ANK2: variants seen among roughly 807,000 people sequenced by gnomAD.
ANK2 encodes the protein ankyrin-2.
In ANK2, 83 loss-of-function variants were observed where a neutral mutation model predicts 360.5. The observed-to-expected ratio is 0.23, with a 90% CI of 0.19 to 0.28. ANK2 has a LOEUF of 0.28. Among genes scored for constraint, ANK2 ranks in the 10% least tolerant of loss-of-function variants. The probability of loss-of-function intolerance (pLI) is 1.00; values close to 1 mark genes in which losing one functional copy is unlikely to be tolerated. For synonymous variants in ANK2, 1,740 were observed against 1,759.5 expected (o/e 0.99, Z 0.28); for missense variants, 4,201 against 4,795.7 (o/e 0.88, Z 3.66).
At chr4:112,889,702 G>A (rs576023382) in intron 1 of ANK2, among the ~76,000 whole-genome samples, 165 of 152,156 alleles carry the variant, frequency 1.1e-3, no homozygotes, top group African/African-American at 3.8e-3. Flanking sequence ...ATAGGTTTGT[G>A]TTGTAATTTC....
intron 2 of ANK2, among the ~76,000 whole-genome samples, chr4:112,992,461 G>A (rs1316891953): frequency 6.6e-6 from 1 of 151,976 alleles, no homozygotes; most frequent in Non-Finnish European, 1.5e-5. Context: ...ACATTTTTAG[G>A]TATTTCTTGG....
At chr4:112,951,279 T>G (rs2094969995) in intron 2 of ANK2, among the ~76,000 whole-genome samples, 1 of 152,130 alleles carries the variant, frequency 6.6e-6, no homozygotes, top group Admixed American at 6.6e-5. Flanking sequence ...TTGTAAAACA[T>G]TCAAACAAAT....
At chr4:112,963,504 T>C (rs2035820044) in intron 2 of ANK2, among the ~76,000 whole-genome samples, 2 of 152,168 alleles carry the variant, frequency 1.3e-5, no homozygotes, top group African/African-American at 4.8e-5. Flanking sequence ...GTTCAAAATT[T>C]TGATAAGTAA....
chr4:112,730,565 A>T, the ANK2 span, among the ~76,000 whole-genome samples: 1 of 127,430 alleles, frequency 7.8e-6, no homozygotes, highest in African/African-American at 2.9e-5. Flanking sequence ...TGAACCTGGG[A>T]GGTGGAGATT....
chr4:113,170,061 G>T (rs754293588), intron 1 of ANK2, among the ~76,000 whole-genome samples: 2 of 152,112 alleles, frequency 1.3e-5, no homozygotes, highest in Non-Finnish European at 2.9e-5. Flanking sequence ...TTAAGGTGTT[G>T]TTTCCTACTT....
intron 2 of ANK2, among the ~76,000 whole-genome samples, chr4:112,937,039 G>A (rs1394626187): frequency 4.6e-5 from 7 of 152,064 alleles, no homozygotes; most frequent in East Asian, 1.9e-4. Context: ...CAATCCTCCC[G>A]CCTCTGCCTC....
intron 2 of ANK2, among the ~76,000 whole-genome samples, chr4:113,185,924 T>C (rs1442615022): frequency 1.3e-5 from 2 of 152,202 alleles, no homozygotes; most frequent in Non-Finnish European, 2.9e-5. Context: ...GTTTTCTGCA[T>C]ATGGCTAGCC....
At chr4:112,861,259 T>A (rs2067926337) in intron 1 of ANK2, among the ~76,000 whole-genome samples, 1 of 152,196 alleles carries the variant, frequency 6.6e-6, no homozygotes, top group Non-Finnish European at 1.5e-5. Flanking sequence ...GGTTTTTATC[T>A]TATTAGAGAA....
intron 26 of ANK2, chr4:113,323,672 T>C: frequency 7.7e-7 from 1 of 1,300,842 alleles, no homozygotes. Flanking sequence ...GGTATTGGTG[T>C]ATAAATAATA....
intron 1 of ANK2, among the ~76,000 whole-genome samples, chr4:112,847,083 CTG>C (rs759670764): frequency 7.9e-5 from 12 of 152,140 alleles, no homozygotes; most frequent in Non-Finnish European, 1.5e-4. Flanking sequence ...TCTGTGAAAA[CTG>C]TGAGTATAAT....
At chr4:113,167,391 C>T (rs1290803377) in intron 1 of ANK2, among the ~76,000 whole-genome samples, 1 of 151,664 alleles carries the variant, frequency 6.6e-6, no homozygotes. Flanking sequence ...CCTCTGCCTC[C>T]CGGATCCGAG....
At chr4:112,754,531 T>C in the ANK2 span, among the ~76,000 whole-genome samples, 1 of 150,756 alleles carries the variant, frequency 6.6e-6, no homozygotes, top group Non-Finnish European at 1.5e-5. Context: ...GGGGCGTGTA[T>C]TATGTTAAAA....
intron 1 of ANK2, among the ~76,000 whole-genome samples, chr4:112,834,284 C>T (rs987857586): frequency 2.0e-5 from 3 of 152,084 alleles, no homozygotes; most frequent in African/African-American, 4.8e-5. Context: ...AAAAAATGTT[C>T]TTAGAGAAGC....
chr4:113,043,407 A>G (rs2154316006), intron 2 of ANK2, among the ~76,000 whole-genome samples: 1 of 152,064 alleles, frequency 6.6e-6, no homozygotes, highest in South Asian at 2.1e-4. Flanking sequence ...ATCTGACCCC[A>G]ACTCTGTGTA....
At chr4:113,036,124 G>A (rs545207326) in intron 2 of ANK2, among the ~76,000 whole-genome samples, 2 of 151,746 alleles carry the variant, frequency 1.3e-5, no homozygotes, top group East Asian at 3.9e-4. Flanking sequence ...AATTGAAAAC[G>A]AAGACAGCTA....
chr4:112,879,155 A>G (rs1231572030), intron 1 of ANK2, among the ~76,000 whole-genome samples: 1 of 152,222 alleles, frequency 6.6e-6, no homozygotes, highest in Admixed American at 6.5e-5. Context: ...GATGGGTTGG[A>G]GTAAAAGGAT....
chr4:112,924,293 G>A (rs778655946), intron 2 of ANK2, among the ~76,000 whole-genome samples: 1 of 151,526 alleles, frequency 6.6e-6, no homozygotes, highest in East Asian at 1.9e-4. Context: ...GCTTGAACCC[G>A]GGAGACGGAA....
intron 3 of ANK2, among the ~76,000 whole-genome samples, chr4:113,196,704 A>AT (rs1491523034): frequency 6.6e-6 from 1 of 151,874 alleles, no homozygotes; most frequent in Non-Finnish European, 1.5e-5. Flanking sequence ...ATTAAAAAAA[A>AT]TTTTTTTAGT....
chr4:112,988,460 G>T (rs1209601072), intron 2 of ANK2, among the ~76,000 whole-genome samples: 1 of 152,160 alleles, frequency 6.6e-6, no homozygotes, highest in Non-Finnish European at 1.5e-5. Context: ...TGAAAGAAAG[G>T]ATGATCTGAA....
Sources: gnomAD v4.1 joint callset for allele counts (sites outside exome capture counted in the v4.1 genomes callset) on GRCh38, gnomAD v4.1.1 for gene constraint, MANE v1.5 for transcripts, NCBI Gene and HGNC (gene_info 2026-07-23, HGNC 2026-07-21) for gene names.